Variants in KHDRBS2 observed in about 807,000 individuals in gnomAD.
The protein encoded by KHDRBS2 is KH RNA binding domain containing, signal transduction associated 2.
A neutral mutation model predicts 44.3 loss-of-function variants in KHDRBS2; 26 were observed. The observed-to-expected ratio is 0.59, with a 90% CI of 0.43 to 0.81. The LOEUF (loss-of-function observed/expected upper bound fraction) is 0.81. KHDRBS2 is among the 40% of genes least tolerant of loss of function. The pLI, the probability that KHDRBS2 is intolerant of heterozygous loss-of-function variation, is 0.00. For synonymous variants in KHDRBS2, 194 were observed against 151.1 expected, an observed-to-expected ratio of 1.28 and a Z score of -2.08; for missense variants, 476 against 433.1, an observed-to-expected ratio of 1.10 and a Z score of -0.88.
At chr6:61,547,526 A>G in the KHDRBS2 span, among the ~76,000 whole-genome samples, 21 of 152,068 alleles carry the variant, frequency 1.4e-4, no homozygotes, top group South Asian at 4.2e-3. Flanking sequence ...GGATAAGTAG[A>G]CTCCTTAATG....
intron 2 of KHDRBS2, among the ~76,000 whole-genome samples, chr6:62,125,564 C>A (rs752090706): frequency 1.3e-5 from 2 of 152,182 alleles, no homozygotes; most frequent in African/African-American, 2.4e-5. Context: ...CCAGGCAGCA[C>A]AGCTTCAAAA....
chr6:62,061,334 G>T (rs938647720), intron 2 of KHDRBS2, among the ~76,000 whole-genome samples: 8 of 151,698 alleles, frequency 5.3e-5, no homozygotes, highest in Non-Finnish European at 8.8e-5. Context: ...TCCATGTTCA[G>T]CGCTTCCTTC....
intron 3 of KHDRBS2, among the ~76,000 whole-genome samples, chr6:61,986,903 G>A (rs1273104598): frequency 1.3e-5 from 2 of 152,080 alleles, no homozygotes; most frequent in Non-Finnish European, 2.9e-5. Flanking sequence ...CATCATATCA[G>A]GGATCAAGGA....
intron 2 of KHDRBS2, among the ~76,000 whole-genome samples, chr6:62,077,274 G>C (rs1233740416): frequency 6.6e-6 from 1 of 151,960 alleles, no homozygotes; most frequent in African/African-American, 2.4e-5. Flanking sequence ...AAGATCCTAT[G>C]TATGATCTTT....
At chr6:62,062,608 C>G (rs1330974182) in intron 2 of KHDRBS2, among the ~76,000 whole-genome samples, 1 of 149,268 alleles carries the variant, frequency 6.7e-6, no homozygotes, top group African/African-American at 2.5e-5. Context: ...ATACCAGAAT[C>G]TCTGGGACGC....
chr6:62,033,920 T>C (rs544605903), intron 3 of KHDRBS2, among the ~76,000 whole-genome samples: 1 of 151,732 alleles, frequency 6.6e-6, no homozygotes, highest in South Asian at 2.1e-4. Context: ...TACATTTATA[T>C]ATTTAGAAAG....
At chr6:61,835,824 T>C (rs1359391773) in intron 6 of KHDRBS2, among the ~76,000 whole-genome samples, 1 of 151,646 alleles carries the variant, frequency 6.6e-6, no homozygotes, top group Non-Finnish European at 1.5e-5. Context: ...AGAAAATTAA[T>C]AATATGCTGT....
the KHDRBS2 span, among the ~76,000 whole-genome samples, chr6:61,645,410 T>C: frequency 1.3e-5 from 2 of 151,286 alleles, no homozygotes; most frequent in African/African-American, 4.9e-5. Context: ...TACAACAAAC[T>C]CTTGTGAGAT....
At chr6:61,681,984 T>C (rs953107044) in intron 8 of KHDRBS2, among the ~76,000 whole-genome samples, 1 of 151,892 alleles carries the variant, frequency 6.6e-6, no homozygotes, top group Non-Finnish European at 1.5e-5. Flanking sequence ...ATTTCATGCA[T>C]GGGTGTGTAA....
chr6:62,036,691 G>T (rs1695344444), intron 3 of KHDRBS2, among the ~76,000 whole-genome samples: 1 of 151,978 alleles, frequency 6.6e-6, no homozygotes, highest in African/African-American at 2.4e-5. Context: ...GTGAAAGCAA[G>T]CTGATTTCAT....
At chr6:61,834,256 G>A (rs1385746559) in intron 6 of KHDRBS2, among the ~76,000 whole-genome samples, 1 of 151,786 alleles carries the variant, frequency 6.6e-6, no homozygotes, top group Non-Finnish European at 1.5e-5. Context: ...ATGAATACTT[G>A]GCACCTCATT....
chr6:61,573,049 T>G, the KHDRBS2 span, among the ~76,000 whole-genome samples: 1 of 152,196 alleles, frequency 6.6e-6, no homozygotes, highest in African/African-American at 2.4e-5. Context: ...GCTATTTATA[T>G]GATTGTGTAC....
chr6:61,691,381 GA>G (rs1767378362), intron 8 of KHDRBS2, among the ~76,000 whole-genome samples: 1 of 151,966 alleles, frequency 6.6e-6, no homozygotes, highest in African/African-American at 2.4e-5. Flanking sequence ...AGCAAAAAGA[GA>G]AAGCTAATTT....
intron 6 of KHDRBS2, among the ~76,000 whole-genome samples, chr6:61,789,485 G>C (rs988007932): frequency 5.9e-5 from 9 of 151,462 alleles, no homozygotes; most frequent in Admixed American, 2.0e-4. Context: ...TATAGTATTA[G>C]TGTTTCAAAA....
intron 4 of KHDRBS2, among the ~76,000 whole-genome samples, chr6:61,914,191 G>A (rs1357339752): frequency 2.6e-5 from 4 of 151,954 alleles, no homozygotes; most frequent in African/African-American, 9.7e-5. Context: ...TATAAGTGGT[G>A]GAGAGAAAGA....
chr6:61,939,289 A>T (rs1317931940), intron 4 of KHDRBS2, among the ~76,000 whole-genome samples: 2 of 152,240 alleles, frequency 1.3e-5, no homozygotes, highest in Non-Finnish European at 2.9e-5. Context: ...GATTTGGGAC[A>T]TTAAACAATC....
intron 3 of KHDRBS2, among the ~76,000 whole-genome samples, chr6:62,014,542 C>G (rs532521789): frequency 6.6e-6 from 1 of 152,226 alleles, no homozygotes; most frequent in East Asian, 1.9e-4. Context: ...TATGACCCTA[C>G]TGGCTAGCTA....
the KHDRBS2 span, among the ~76,000 whole-genome samples, chr6:61,622,841 G>A: frequency 6.6e-6 from 1 of 152,060 alleles, no homozygotes; most frequent in African/African-American, 2.4e-5. Context: ...AACGTCAGTG[G>A]TAGCTCTCCT....
the KHDRBS2 span, among the ~76,000 whole-genome samples, chr6:61,564,392 T>C: frequency 6.6e-6 from 1 of 152,064 alleles, no homozygotes; most frequent in African/African-American, 2.4e-5. Context: ...AAAATAATGA[T>C]TTATGTTAGC....
Sources: gnomAD v4.1 joint callset for allele counts (sites outside exome capture counted in the v4.1 genomes callset) on GRCh38, gnomAD v4.1.1 for gene constraint, MANE v1.5 for transcripts, NCBI Gene and HGNC (gene_info 2026-07-23, HGNC 2026-07-21) for gene names.